MLLT3: variants seen among roughly 807,000 people sequenced by gnomAD.
MLLT3 encodes the protein protein AF-9.
A neutral mutation model predicts 53.2 loss-of-function variants in MLLT3; 4 were observed. The observed-to-expected ratio is 0.08, with a 90% confidence interval of 0.04 to 0.17. The LOEUF (loss-of-function observed/expected upper bound fraction) is 0.17. Among genes scored for constraint, MLLT3 ranks in the 10% least tolerant of loss-of-function variants. The pLI is 1.00. For synonymous variants in MLLT3, 283 were observed against 230.6 expected (o/e 1.23, Z -2.06); for missense variants, 569 against 684.0 (o/e 0.83, Z 1.87).
intron 2 of MLLT3, among the ~76,000 whole-genome samples, chr9:20,497,286 T>G (rs551335580): frequency 1.3e-5 from 2 of 152,336 alleles, no homozygotes; most frequent in East Asian, 3.9e-4. Flanking sequence ...CTATCTTTAT[T>G]AACCACAATT....
chr9:20,549,496 G>A (rs565192914), intron 2 of MLLT3, among the ~76,000 whole-genome samples: 14 of 152,222 alleles, frequency 9.2e-5, no homozygotes, highest in Admixed American at 6.5e-4. Context: ...AGCATTTTAC[G>A]TAGTTAACTC....
Position 20,437,719 on chromosome 9 carries a change from T to C in MLLT3, c.420+10404A>G, listed in dbSNP as rs189233252. Among the ~76,000 whole-genome samples, 28 of 152,342 alleles carry C rather than the reference T, an allele frequency of 1.8e-4. No homozygotes were observed. In the East Asian group the frequency reaches 4.4e-3, roughly 24 times the overall value. On this transcript the variant is annotated intron_variant, in intron 4 of 10. Transcript: ENST00000380338. ...TGGAACATAGTAGAAGGTATTTTTA[T>C]TAATGCTGATCTAGAATATTCCTGA...
intron 2 of MLLT3, among the ~76,000 whole-genome samples, chr9:20,582,832 A>G (rs879820479): frequency 2.0e-5 from 3 of 152,136 alleles, no homozygotes; most frequent in Admixed American, 2.0e-4. Flanking sequence ...CCTACAACAC[A>G]TGGAAATTCT....
intron 2 of MLLT3, among the ~76,000 whole-genome samples, chr9:20,566,618 A>C (rs971478902): frequency 6.6e-6 from 1 of 152,178 alleles, no homozygotes; most frequent in Non-Finnish European, 1.5e-5. Flanking sequence ...TCACCTGTGC[A>C]TCCAGTACCT....
chr9:20,622,161 G>T, intron 1 of MLLT3, 84 bp downstream of exon 1: 4 of 1,425,688 alleles, frequency 2.8e-6, no homozygotes, highest in Non-Finnish European at 2.9e-6. Flanking sequence ...ACCGCGGAGC[G>T]CTGGCGCTGT....
At chr9:20,351,030 A>G (rs868033777) in intron 10 of MLLT3, among the ~76,000 whole-genome samples, 3 of 152,174 alleles carry the variant, frequency 2.0e-5, no homozygotes, top group Non-Finnish European at 4.4e-5. Flanking sequence ...TCTGGAAAGC[A>G]CGGACAACCA....
chr9:20,543,292 G>A (rs1818691736), intron 2 of MLLT3, among the ~76,000 whole-genome samples: 1 of 152,180 alleles, frequency 6.6e-6, no homozygotes, highest in Non-Finnish European at 1.5e-5. Flanking sequence ...AACTCACCCA[G>A]CTTTTGACAT....
intron 7 of MLLT3, among the ~76,000 whole-genome samples, chr9:20,361,360 G>A (rs1360342571): frequency 6.6e-6 from 1 of 151,968 alleles, no homozygotes; most frequent in Non-Finnish European, 1.5e-5. Context: ...TAGAATACAC[G>A]CTGCAGGGGA....
chr9:20,589,096 A>T (rs2131183721), intron 2 of MLLT3, among the ~76,000 whole-genome samples: 1 of 150,534 alleles, frequency 6.6e-6, no homozygotes, highest in South Asian at 2.2e-4. Flanking sequence ...TATATACCCA[A>T]AGGACTATAA....
chr9:20,387,000 A>G (rs1421947351), intron 5 of MLLT3, among the ~76,000 whole-genome samples: 1 of 152,200 alleles, frequency 6.6e-6, no homozygotes, highest in Non-Finnish European at 1.5e-5. Context: ...AGTTATCTAA[A>G]TGTTTGTATT....
intron 5 of MLLT3, among the ~76,000 whole-genome samples, chr9:20,390,723 A>C (rs1437986832): frequency 6.6e-6 from 1 of 152,266 alleles, no homozygotes; most frequent in Non-Finnish European, 1.5e-5. Context: ...GGAGCATTAA[A>C]GTTTCTTTTT....
Position 20,588,070 on chromosome 9 carries a change from T to G in MLLT3, c.193+32584A>C, listed in dbSNP as rs1820023509. 4.6e-5 allele frequency among the ~76,000 whole-genome samples: 7 copies of G among 151,808 alleles called. No homozygotes were observed. The South Asian group carries it at 1.2e-3, about 27-fold the overall frequency. On this transcript the variant is annotated intron_variant, in intron 2 of 10. Transcript: ENST00000380338. ...CAGCTTTCTACATATGGCTAGCCAG[T>G]TTTCCCAGCACCATTTATTAAATAG... is the stretch of plus-strand genomic sequence containing the variant.
intron 5 of MLLT3, among the ~76,000 whole-genome samples, chr9:20,412,543 G>A (rs1336294137): frequency 6.6e-6 from 1 of 152,188 alleles, no homozygotes; most frequent in African/African-American, 2.4e-5. Flanking sequence ...ACCCAGAACA[G>A]TACAAACCCG....
At chr9:20,525,126 T>TAAAAAAAAAAAAA (rs757232208) in intron 2 of MLLT3, among the ~76,000 whole-genome samples, 2 of 56,130 alleles carry the variant, frequency 3.6e-5, no homozygotes, top group Non-Finnish European at 4.3e-5. Context: ...GAAGAAAGAC[T>TAAAAAAAAAAAAA]AAAAAAAAAA....
At chr9:20,462,701 C>T (rs985781265) in intron 2 of MLLT3, among the ~76,000 whole-genome samples, 3 of 152,164 alleles carry the variant, frequency 2.0e-5, no homozygotes, top group African/African-American at 7.2e-5. Context: ...CTGCTACCAT[C>T]AAGTCCCATC....
At position 20,594,792 on chromosome 9, in the gene MLLT3, A is replaced by G. The variant is rs1211032011; in HGVS notation, c.193+25862T>C. On this transcript the variant is annotated intron_variant, in intron 2 of 10. Transcript: ENST00000380338. ...CATTAGCATGGTAAAAGACACTCCC[A>G]CCAATGCCAAGATAGTTTACAAATG... Among the ~76,000 whole-genome samples the G allele has an allele frequency of 2.6e-5, 4 of 152,144 alleles. No homozygotes were observed. In the East Asian group the frequency reaches 5.8e-4, roughly 22 times the overall value.
At chr9:20,560,578 A>C (rs1485583381) in intron 2 of MLLT3, among the ~76,000 whole-genome samples, 2 of 152,160 alleles carry the variant, frequency 1.3e-5, no homozygotes, top group African/African-American at 4.8e-5. Context: ...GTTGATGCAC[A>C]AAAGAAGTAG....
intron 2 of MLLT3, among the ~76,000 whole-genome samples, chr9:20,566,006 A>G (rs1284011254): frequency 8.5e-6 from 1 of 117,616 alleles, no homozygotes; most frequent in East Asian, 2.2e-4. Flanking sequence ...TTATTTATAT[A>G]TATATTTTTA....
chr9:20,483,889 T>C (rs1394285814), intron 2 of MLLT3, among the ~76,000 whole-genome samples: 1 of 151,404 alleles, frequency 6.6e-6, no homozygotes, highest in African/African-American at 2.4e-5. Context: ...TTTTTTGTAT[T>C]TTTAGTAGAG....
Sources: allele counts gnomAD v4.1 joint callset (sites outside exome capture counted in the v4.1 genomes callset), GRCh38; gene constraint gnomAD v4.1.1; transcripts MANE v1.5; gene names NCBI Gene and HGNC (gene_info 2026-07-23, HGNC 2026-07-21).